DAB2IP: variants seen among roughly 807,000 people sequenced by gnomAD.
DAB2IP encodes disabled homolog 2-interacting protein.
In DAB2IP, 28 loss-of-function variants were observed where a neutral mutation model predicts 107.2. That is an observed-to-expected ratio of 0.26 (90% CI 0.19 to 0.36). The LOEUF (loss-of-function observed/expected upper bound fraction) is 0.36, where lower values mean the gene tolerates loss of function less well. Among genes scored for constraint, DAB2IP ranks in the 10% least tolerant of loss-of-function variants. DAB2IP has a pLI of 1.00. For synonymous variants in DAB2IP, 755 were observed against 706.4 expected, an observed-to-expected ratio of 1.07 and a Z score of -1.09; for missense variants, 1,400 against 1,644.7, an observed-to-expected ratio of 0.85 and a Z score of 2.57.
intron 2 of DAB2IP, among the ~76,000 whole-genome samples, chr9:121,690,172 T>C (rs1433544973): frequency 6.6e-6 from 1 of 152,192 alleles, no homozygotes; most frequent in Non-Finnish European, 1.5e-5. Context: ...TTAGTATTAA[T>C]AGCAGAGCTG....
chr9:121,751,842 G>T (rs1833140667), intron 3 of DAB2IP: 1 of 815,316 alleles, frequency 1.2e-6, no homozygotes, highest in Non-Finnish European at 1.5e-6. Context: ...GCCCTCCCAT[G>T]CCCTGGCCAA....
At chr9:121,612,519 C>A (rs1438407675) in intron 1 of DAB2IP, among the ~76,000 whole-genome samples, 3 of 152,088 alleles carry the variant, frequency 2.0e-5, no homozygotes, top group Non-Finnish European at 2.9e-5. Flanking sequence ...CCACAGTCCC[C>A]GTGAGCTTGT....
intron 2 of DAB2IP, among the ~76,000 whole-genome samples, chr9:121,690,069 G>A (rs1829085388): frequency 6.6e-6 from 1 of 152,234 alleles, no homozygotes; most frequent in South Asian, 2.1e-4. Flanking sequence ...TTAAAGAGAA[G>A]TCATGGGAAG....
chr9:121,766,004 T>A (rs2118988704), intron 8 of DAB2IP, among the ~76,000 whole-genome samples: 1 of 152,316 alleles, frequency 6.6e-6, no homozygotes, highest in African/African-American at 2.4e-5. Flanking sequence ...CAAAGGAAAT[T>A]AGTCTCAAAG....
chr9:121,782,736 C>A lies in DAB2IP; in HGVS notation c.*238C>A. The A allele has an allele frequency of 7.3e-7, 1 of 1,378,418 alleles. No homozygotes were observed. Among genetic ancestry groups the A allele is most frequent in the Non-Finnish European group, 9.4e-7 (1 of 1,066,628 alleles). 85.4% of individuals were successfully genotyped at this position (1,378,418 alleles called of 1,614,324 possible). Reference sequence around the variant, plus strand: ...GGGTGCGGGCAGAAGAGACTGCACGCTGGGGAGTGGGGACAGCCTGATGGG... The same window carrying A: ...GGGTGCGGGCAGAAGAGACTGCACGATGGGGAGTGGGGACAGCCTGATGGG... On this transcript the variant is annotated 3_prime_UTR_variant, in exon 16 of 16. Transcript: ENST00000408936. This position sits in a 1 kb window ranked among gnomAD's most constrained non-coding sequence, Gnocchi z 6.1.
intron 3 of DAB2IP, among the ~76,000 whole-genome samples, chr9:121,717,537 T>C (rs557144396): frequency 6.6e-6 from 1 of 152,352 alleles, no homozygotes; most frequent in East Asian, 1.9e-4. Context: ...CGGTGTGTAA[T>C]TGACCTTAGT....
chr9:121,629,490 C>T (rs1022369293), intron 1 of DAB2IP, among the ~76,000 whole-genome samples: 8 of 152,104 alleles, frequency 5.3e-5, no homozygotes, highest in Non-Finnish European at 8.8e-5. Context: ...GTGGGTATGG[C>T]GGGCTGGCCG....
chr9:121,631,813 TA>T (rs752400251), intron 1 of DAB2IP, among the ~76,000 whole-genome samples: 6,095 of 58,882 alleles, frequency 0.1, 121 homozygotes, highest in Non-Finnish European at 0.11. Context: ...AGACTCCGTC[TA>T]AAAAAAAAAA....
chr9:121,636,569 C>T (rs1013534379), intron 1 of DAB2IP, among the ~76,000 whole-genome samples: 8 of 152,114 alleles, frequency 5.3e-5, no homozygotes, highest in Admixed American at 2.6e-4. Flanking sequence ...GATCTGTGCT[C>T]TCGGGAGCAG....
chr9:121,668,600 T>C (rs941805719), intron 1 of DAB2IP, among the ~76,000 whole-genome samples: 1 of 152,202 alleles, frequency 6.6e-6, no homozygotes, highest in Non-Finnish European at 1.5e-5. Flanking sequence ...TTCCTTCTAT[T>C]CTTTTCTCTT....
chr9:121,707,750 A>G (rs1830131688), intron 3 of DAB2IP, among the ~76,000 whole-genome samples: 1 of 152,202 alleles, frequency 6.6e-6, no homozygotes, highest in Non-Finnish European at 1.5e-5. Flanking sequence ...TGACATTCAT[A>G]ATCAGAACGT....
chr9:121,678,893 G>C, intron 2 of DAB2IP, 112 bp downstream of exon 2: 3 of 1,023,792 alleles, frequency 2.9e-6, no homozygotes, highest in Non-Finnish European at 2.7e-6. Flanking sequence ...TGGACCCGGA[G>C]AGCATCCGGC....
exon 16 of DAB2IP, chr9:121,783,859 C>G (rs1835828519): frequency 6.6e-6 from 3 of 451,816 alleles, no homozygotes; most frequent in African/African-American, 3.9e-5. Flanking sequence ...GCTTGGGTCT[C>G]TCTCGGCCCC....
At chr9:121,596,475 A>G (rs1830533636) in intron 1 of DAB2IP, among the ~76,000 whole-genome samples, 1 of 152,224 alleles carries the variant, frequency 6.6e-6, no homozygotes, top group Non-Finnish European at 1.5e-5. Context: ...TGATAGCGCC[A>G]CTGCACTCCA....
At chr9:121,677,218 C>A (rs1414924928) in intron 1 of DAB2IP, among the ~76,000 whole-genome samples, 1 of 152,142 alleles carries the variant, frequency 6.6e-6, no homozygotes, top group Non-Finnish European at 1.5e-5. Flanking sequence ...CACAGATTCT[C>A]ATGTTTGAAA....
intron 1 of DAB2IP, among the ~76,000 whole-genome samples, chr9:121,579,678 G>C (rs184301755): frequency 5.0e-4 from 76 of 152,174 alleles, no homozygotes; most frequent in Admixed American, 2.2e-3. Context: ...ACACCTTATG[G>C]CCTTGTCCAT....
At chr9:121,771,716 C>T (rs1008172525) in intron 11 of DAB2IP, among the ~76,000 whole-genome samples, 2 of 152,100 alleles carry the variant, frequency 1.3e-5, no homozygotes, top group South Asian at 2.1e-4. Flanking sequence ...TGCTCTCCGT[C>T]TTTCCTGGCT....
intron 1 of DAB2IP, among the ~76,000 whole-genome samples, chr9:121,632,463 T>C (rs1831932312): frequency 6.6e-6 from 1 of 152,128 alleles, no homozygotes; most frequent in African/African-American, 2.4e-5. Flanking sequence ...GCAGCTGGTA[T>C]CTGAGCACAG....
intron 1 of DAB2IP, among the ~76,000 whole-genome samples, chr9:121,588,454 G>C (rs954329933): frequency 6.6e-6 from 1 of 151,626 alleles, no homozygotes; most frequent in African/African-American, 2.4e-5. Context: ...CCAGGAGCAG[G>C]CTCTGAGAGG....
Sources: allele counts gnomAD v4.1 joint callset (sites outside exome capture counted in the v4.1 genomes callset), GRCh38; gene constraint gnomAD v4.1.1; non-coding constraint Gnocchi (gnomAD v3.1); transcripts MANE v1.5; gene names NCBI Gene and HGNC (gene_info 2026-07-23, HGNC 2026-07-21).